RAB37: variants seen among roughly 807,000 people sequenced by gnomAD.
The protein encoded by RAB37 is RAB37, member RAS oncogene family, also known as ras-related protein Rab-37.
RAB37 carries 29 observed loss-of-function variants against 33.1 expected under a neutral mutation model. The ratio of observed to expected loss-of-function variants is 0.88; its 90% CI spans 0.65 to 1.20. The LOEUF (loss-of-function observed/expected upper bound fraction) is 1.20, where lower values mean the gene tolerates loss of function less well. Among genes scored for constraint, RAB37 ranks in the 50% most tolerant of loss-of-function variants. The pLI is 0.00. For synonymous variants in RAB37, 128 were observed against 119.5 expected (o/e 1.07, Z -0.47); for missense variants, 299 against 301.1 (o/e 0.99, Z 0.05).
chr17:74,687,633 A>T (rs1214058040), intron 1 of RAB37, among the ~76,000 whole-genome samples: 2 of 152,190 alleles, frequency 1.3e-5, no homozygotes, highest in South Asian at 2.1e-4. Context: ...GGCAGGGGGA[A>T]TCTGATTGCT....
intron 1 of RAB37, among the ~76,000 whole-genome samples, chr17:74,722,315 T>G (rs1478690037): frequency 1.3e-5 from 2 of 151,150 alleles, no homozygotes; most frequent in African/African-American, 4.9e-5. Flanking sequence ...AGAGAGAGAT[T>G]TGTCCGAGAA....
chr17:74,704,083 A>G (rs2033303707), intron 1 of RAB37, among the ~76,000 whole-genome samples: 1 of 152,172 alleles, frequency 6.6e-6, no homozygotes, highest in South Asian at 2.1e-4. Flanking sequence ...ATGAAGCCCC[A>G]GCCCAGAACT....
intron 1 of RAB37, among the ~76,000 whole-genome samples, chr17:74,718,450 A>G (rs572054412): frequency 6.6e-6 from 1 of 152,314 alleles, no homozygotes; most frequent in East Asian, 1.9e-4. Flanking sequence ...TTTTCAGAAT[A>G]GAGCACCTGT....
chr17:74,719,941 C>T (rs1413046536), intron 1 of RAB37, among the ~76,000 whole-genome samples: 1 of 152,204 alleles, frequency 6.6e-6, no homozygotes, highest in African/African-American at 2.4e-5. Context: ...GCCTCTATTG[C>T]CTCCCTGAGA....
rs1598300444 is a variant in RAB37 at position 74,714,996 on chromosome 17, C to T, written c.73-14260C>T. Among the ~76,000 whole-genome samples the T allele has an allele frequency of 2.0e-5, 3 of 152,132 alleles. No individual in the cohort carries two copies. The East Asian group carries it at 5.8e-4, about 29-fold the overall frequency. On this transcript the variant is annotated intron_variant, in intron 1 of 7. Transcript: ENST00000340415. ...ACTTAGCCGGGTGTGGTGGTGGGTG[C>T]TTATAATCCCAGCTACTCAGGAGGC...
intron 1 of RAB37, chr17:74,703,274 G>A: frequency 1.5e-6 from 1 of 661,244 alleles, no homozygotes; most frequent in African/African-American, 1.8e-5. Context: ...CTGCAGCCTG[G>A]ACCACTCATG....
At chr17:74,735,120 A>C (rs1421796795), upstream of RAB37, among the ~76,000 whole-genome samples, 1 of 150,636 alleles carries the variant, frequency 6.6e-6, no homozygotes, top group African/African-American at 2.4e-5. Context: ...GCAGGCAGGC[A>C]AAGAAAGAAA....
At chr17:74,705,190 C>T (rs956587240) in intron 1 of RAB37, 1 of 698,304 alleles carries the variant, frequency 1.4e-6, no homozygotes, top group Non-Finnish European at 2.6e-6. Context: ...AGACCCCTTT[C>T]CACAGGGTCT....
intron 1 of RAB37, among the ~76,000 whole-genome samples, chr17:74,697,551 CA>C: frequency 6.6e-6 from 1 of 152,308 alleles, no homozygotes; most frequent in Middle Eastern, 3.4e-3. Context: ...AAAGATTTCC[CA>C]GGCTGTGGGG....
intron 1 of RAB37, among the ~76,000 whole-genome samples, chr17:74,726,705 G>T (rs1461791106): frequency 6.6e-6 from 1 of 152,224 alleles, no homozygotes; most frequent in Non-Finnish European, 1.5e-5. Flanking sequence ...ACAACCTCAT[G>T]GTAAGCAGAC....
upstream of RAB37, chr17:74,736,862 T>G (rs545189766): frequency 6.6e-7 from 1 of 1,520,970 alleles, no homozygotes; most frequent in South Asian, 1.2e-5. Flanking sequence ...CCTCGCCACC[T>G]GGGGACAGCC....
chr17:74,699,376 A>G (rs998324367), intron 1 of RAB37, among the ~76,000 whole-genome samples: 2 of 152,118 alleles, frequency 1.3e-5, no homozygotes, highest in Admixed American at 6.5e-5. Context: ...CTTCCCCTCG[A>G]ATTCACATCC....
At chr17:74,696,647 C>A (rs529080354) in intron 1 of RAB37, among the ~76,000 whole-genome samples, 1 of 152,238 alleles carries the variant, frequency 6.6e-6, no homozygotes, top group East Asian at 1.9e-4. Context: ...TCTAATCCCC[C>A]TCCCGGGCCC....
In RAB37 at chr17:74,676,756, G is replaced by A. The variant is rs1016095303; in HGVS notation, c.72+5098G>A. The stretch of plus-strand genomic sequence containing the variant: ...TATACTTTTATATAATTCCAGAAGT[G>A]TCCTAAGAAAGATACGGGTAGCTGC... On this transcript the variant is annotated intron_variant, in intron 1 of 7. Transcript: ENST00000340415. The surrounding 1 kb of genome is among the most constrained non-coding windows in gnomAD (Gnocchi z 4.1). Among the ~76,000 whole-genome samples, 1 of 152,162 alleles carries A rather than the reference G, an allele frequency of 6.6e-6. No homozygotes were observed. Among genetic ancestry groups the A allele is most frequent in the African/African-American group, 2.4e-5 (1 of 41,444 alleles).
At chr17:74,703,154 T>C (rs373029965) in intron 1 of RAB37, 12 of 1,609,392 alleles carry the variant, frequency 7.5e-6, no homozygotes, top group African/African-American at 2.7e-5. Flanking sequence ...CTGTAGTTGA[T>C]GCTTGGTGTA....
At chr17:74,713,790 C>T (rs925382681) in intron 1 of RAB37, among the ~76,000 whole-genome samples, 2 of 147,468 alleles carry the variant, frequency 1.4e-5, no homozygotes, top group African/African-American at 5.0e-5. Flanking sequence ...AGGCCAGGTA[C>T]GGTGGCTCAC....
chr17:74,728,801 A>G (rs1161098499), intron 1 of RAB37, among the ~76,000 whole-genome samples: 1 of 148,480 alleles, frequency 6.7e-6, no homozygotes, highest in East Asian at 2.0e-4. Flanking sequence ...TGTTCTGTGC[A>G]TACATGTGTA....
At chr17:74,719,407 T>C (rs1341024377) in intron 1 of RAB37, among the ~76,000 whole-genome samples, 2 of 152,168 alleles carry the variant, frequency 1.3e-5, no homozygotes, top group African/African-American at 2.4e-5. Context: ...CTCGTCATCA[T>C]GAGCCACAGC....
rs906678316 is a variant in RAB37 at position 74,744,938 on chromosome 17, T to C, written c.489+9T>C. The stretch of plus-strand genomic sequence containing the variant: ...GAGAGACCTTGGCCAGGGTAAGTGA[T>C]TGTCTGTGGGACAGGGTGAAGGGTG... On this transcript the variant is annotated intron_variant, in intron 7 of 8. Coordinates refer to ENST00000392613, the MANE Select transcript of RAB37 (RefSeq NM_001006638.3). The surrounding 1 kb of genome is among the most constrained non-coding windows in gnomAD (Gnocchi z 4.2). The C allele has an allele frequency of 7.4e-6, 12 of 1,614,246 alleles. No individual in the cohort carries two copies. In the East Asian group the frequency reaches 8.9e-5, roughly 12 times the overall value.
Sources: allele counts gnomAD v4.1 joint callset (sites outside exome capture counted in the v4.1 genomes callset), GRCh38; gene constraint gnomAD v4.1.1; non-coding constraint Gnocchi (gnomAD v3.1); transcripts MANE v1.5; gene names NCBI Gene and HGNC (gene_info 2026-07-23, HGNC 2026-07-21).